The following ATG4A variants were observed in gnomAD, a reference collection of about 807,000 sequenced individuals.
The protein encoded by ATG4A is cysteine protease ATG4A.
ATG4A carries 22 observed loss-of-function variants against 38.4 expected under a neutral mutation model. The observed-to-expected ratio is 0.57, with a 90% confidence interval of 0.41 to 0.82. The LOEUF (loss-of-function observed/expected upper bound fraction) is 0.82. Ranked by LOEUF, ATG4A falls within the 40% of genes least tolerant of loss-of-function variation. The pLI, the probability that ATG4A is intolerant of heterozygous loss-of-function variation, is 0.00. For synonymous variants in ATG4A, 86 were observed against 100.7 expected (o/e 0.85, Z 0.88); for missense variants, 220 against 290.0 (o/e 0.76, Z 1.75).
At chrX:108,095,465 C>A in intron 1 of ATG4A, among the ~76,000 whole-genome samples, 1 of 111,395 alleles carries the variant, frequency 9.0e-6, no homozygotes, top group Non-Finnish European at 1.9e-5. Context: ...TTCAAGTGAT[C>A]CTCCCACCTA....
chrX:108,115,659 T>C (rs763741498), intron 1 of ATG4A, among the ~76,000 whole-genome samples: 2 of 112,365 alleles, frequency 1.8e-5, no homozygotes, highest in South Asian at 7.4e-4. Flanking sequence ...GACATTTGGG[T>C]TGTTTCTAGG....
chrX:108,103,006 G>A (rs184162673), intron 1 of ATG4A, among the ~76,000 whole-genome samples: 1 of 109,434 alleles, frequency 9.1e-6, no homozygotes, highest in East Asian at 2.9e-4. Flanking sequence ...CTACTCCCCT[G>A]ACAGGCCCCA....
At chrX:108,126,898 G>C in intron 2 of ATG4A, 1 of 528,596 alleles carries the variant, frequency 1.9e-6, no homozygotes, top group Non-Finnish European at 2.9e-6. Context: ...TTTCTGAGGA[G>C]ACATCCTCTT....
At chrX:108,105,086 A>G in intron 1 of ATG4A, among the ~76,000 whole-genome samples, 1 of 111,297 alleles carries the variant, frequency 9.0e-6, no homozygotes. Flanking sequence ...GGTTATTGAT[A>G]TACCTCTCTT....
intron 9 of ATG4A, among the ~76,000 whole-genome samples, chrX:108,147,325 CAA>C: frequency 9.0e-6 from 1 of 111,213 alleles, no homozygotes. Context: ...TTTCTTCTGG[CAA>C]AAAAAGTTCA....
At chrX:108,149,543 A>C (rs1332905668) in intron 9 of ATG4A, among the ~76,000 whole-genome samples, 1 of 113,015 alleles carries the variant, frequency 8.8e-6, no homozygotes, top group African/African-American at 3.2e-5. Flanking sequence ...TGACAAAGGC[A>C]GTGCTTTCTG....
intron 1 of ATG4A, among the ~76,000 whole-genome samples, chrX:108,118,564 GC>G (rs957536936): frequency 9.0e-6 from 1 of 111,331 alleles, no homozygotes; most frequent in Non-Finnish European, 1.9e-5. Flanking sequence ...ACTGTCAATA[GC>G]TTTACCAAGA....
chrX:108,132,703 G>A (rs756192423), intron 4 of ATG4A, among the ~76,000 whole-genome samples: 21 of 108,603 alleles, frequency 1.9e-4, no homozygotes, highest in Non-Finnish European at 3.4e-4. Flanking sequence ...GCTTCTTGGT[G>A]TAGATCCATT....
chrX:108,144,005 A>G, intron 9 of ATG4A, among the ~76,000 whole-genome samples: 1 of 112,985 alleles, frequency 8.9e-6, no homozygotes, highest in Middle Eastern at 4.6e-3. Flanking sequence ...GATGGGGAAC[A>G]TGGTAAGACC....
chrX:108,152,542 A>T (rs993322079), intron 11 of ATG4A, among the ~76,000 whole-genome samples: 1 of 112,101 alleles, frequency 8.9e-6, no homozygotes, highest in African/African-American at 3.2e-5. Context: ...AGACTATGCC[A>T]TGTAAATTAG....
intron 1 of ATG4A, among the ~76,000 whole-genome samples, chrX:108,100,796 G>T (rs988794339): frequency 1.8e-5 from 2 of 111,461 alleles, no homozygotes; most frequent in Non-Finnish European, 3.8e-5. Flanking sequence ...TGTTATATTT[G>T]CTCATATTTG....
At chrX:108,142,479 ATGTG>A (rs1161661561) in intron 9 of ATG4A, among the ~76,000 whole-genome samples, 1 of 109,354 alleles carries the variant, frequency 9.1e-6, no homozygotes, top group Non-Finnish European at 1.9e-5. Context: ...GAATATATAT[ATGTG>A]TGTGTGTGTA....
At chrX:108,109,471 T>C (rs1226473110) in intron 1 of ATG4A, among the ~76,000 whole-genome samples, 1 of 112,295 alleles carries the variant, frequency 8.9e-6, no homozygotes, top group Non-Finnish European at 1.9e-5. Flanking sequence ...CAAAAGATCT[T>C]AAGTTTGATG....
intron 1 of ATG4A, among the ~76,000 whole-genome samples, chrX:108,123,118 C>T (rs1480532068): frequency 9.0e-6 from 1 of 111,716 alleles, no homozygotes; most frequent in Non-Finnish European, 1.9e-5. Context: ...TATGAGCTGG[C>T]CACTAAACTA....
chrX:108,122,769 C>T (rs751008662), intron 1 of ATG4A, among the ~76,000 whole-genome samples: 11 of 112,183 alleles, frequency 9.8e-5, no homozygotes, highest in African/African-American at 1.9e-4. Context: ...TTCTCAGCTG[C>T]CTGAAGCAAT....
At chrX:108,105,635 C>A (rs1313545340) in intron 1 of ATG4A, among the ~76,000 whole-genome samples, 1 of 111,562 alleles carries the variant, frequency 9.0e-6, no homozygotes, top group African/African-American at 3.3e-5. Flanking sequence ...CTCCTCCCAA[C>A]TGTGCTGAAC....
chrX:108,146,769 A>G (rs1210625826), intron 9 of ATG4A, among the ~76,000 whole-genome samples: 1 of 111,444 alleles, frequency 9.0e-6, no homozygotes, highest in African/African-American at 3.3e-5. Context: ...ACATAAAACC[A>G]AGGGAGATCA....
intron 1 of ATG4A, among the ~76,000 whole-genome samples, chrX:108,116,313 T>G (rs2032507993): frequency 8.9e-6 from 1 of 111,923 alleles, no homozygotes; most frequent in Admixed American, 9.5e-5. Flanking sequence ...CAACATTTAC[T>G]AATGAGGTGC....
intron 1 of ATG4A, among the ~76,000 whole-genome samples, chrX:108,101,630 A>G (rs1184299775): frequency 9.2e-6 from 1 of 109,123 alleles, no homozygotes; most frequent in Non-Finnish European, 1.9e-5. Flanking sequence ...TTTAAAGTGT[A>G]CAGTACAATA....
Sources: allele counts gnomAD v4.1 joint callset (sites outside exome capture counted in the v4.1 genomes callset), GRCh38; gene constraint gnomAD v4.1.1; transcripts MANE v1.5; gene names NCBI Gene and HGNC (gene_info 2026-07-23, HGNC 2026-07-21).